FOXP1: variants seen among roughly 807,000 people sequenced by gnomAD.
FOXP1 encodes forkhead box P1.
In FOXP1, 15 loss-of-function variants were observed where a neutral mutation model predicts 98.2. The observed-to-expected ratio is 0.15, with a 90% CI of 0.10 to 0.24. The LOEUF is 0.24. Ranked by LOEUF, FOXP1 falls within the 10% of genes least tolerant of loss-of-function variation. The pLI, the probability that FOXP1 is intolerant of heterozygous loss-of-function variation, is 1.00. For synonymous variants in FOXP1, 371 were observed against 314.5 expected (o/e 1.18, Z -1.90); for missense variants, 633 against 848.5 (o/e 0.75, Z 3.15).
At chr3:71,415,224 T>G (rs1396305365) in intron 3 of FOXP1, among the ~76,000 whole-genome samples, 1 of 152,210 alleles carries the variant, frequency 6.6e-6, no homozygotes, top group Non-Finnish European at 1.5e-5. Context: ...GTTCTCAATT[T>G]AAAACCATCC....
At chr3:71,256,862 T>C (rs1277085576) in intron 5 of FOXP1, among the ~76,000 whole-genome samples, 3 of 152,132 alleles carry the variant, frequency 2.0e-5, no homozygotes, top group Non-Finnish European at 4.4e-5. Context: ...GGAGTACTGA[T>C]TTTAGCAGTG....
At chr3:71,331,971 T>A (rs1385476637) in intron 4 of FOXP1, among the ~76,000 whole-genome samples, 3 of 152,150 alleles carry the variant, frequency 2.0e-5, no homozygotes, top group Non-Finnish European at 4.4e-5. Context: ...ACCAATCAGC[T>A]CTCTGTAAAA....
chr3:71,550,823 A>G (rs1245559062), intron 2 of FOXP1, among the ~76,000 whole-genome samples: 5 of 152,186 alleles, frequency 3.3e-5, no homozygotes, highest in Admixed American at 2.6e-4. Flanking sequence ...TCCGCAGCAT[A>G]CAGCTGAGGT....
At chr3:71,421,685 A>C (rs1180541571) in intron 3 of FOXP1, among the ~76,000 whole-genome samples, 1 of 152,220 alleles carries the variant, frequency 6.6e-6, no homozygotes, top group African/African-American at 2.4e-5. Context: ...CGCTGGTCTC[A>C]GGACCTCCTG....
At chr3:70,973,908 G>T (rs114367696) in intron 17 of FOXP1, among the ~76,000 whole-genome samples, 6 of 135,238 alleles carry the variant, frequency 4.4e-5, no homozygotes, top group Non-Finnish European at 7.6e-5. Flanking sequence ...TATCCTTAAC[G>T]GTGGTGAATC....
rs923809339 is a variant in FOXP1, at chr3:70,955,717, AT to A, written c.*3529del. The A allele has an allele frequency of 7.8e-4, 180 of 231,740 alleles. No homozygotes were observed. Among genetic ancestry groups the A allele is most frequent in the East Asian group, 3.3e-3 (54 of 16,446 alleles). The allele number at this position is 231,740 out of a possible 1,614,324, so 14.4% of individuals were successfully genotyped here. On this transcript the variant is annotated 3_prime_UTR_variant, in exon 21 of 21. Transcript: ENST00000649528. Reference sequence around the variant, plus strand: ...CAGGAGAAAACATTTTTTAAACAACATTTTTTTTTCTTTTCAAATGTATGAA... The same window carrying A: ...CAGGAGAAAACATTTTTTAAACAACATTTTTTTTCTTTTCAAATGTATGAA...
At chr3:71,441,427 C>T (rs919396893) in intron 3 of FOXP1, among the ~76,000 whole-genome samples, 18 of 152,234 alleles carry the variant, frequency 1.2e-4, no homozygotes, top group Non-Finnish European at 2.1e-4. Flanking sequence ...GTTAGCAGCT[C>T]TGCTCCAGAT....
chr3:70,990,366 T>C (rs971765737), intron 13 of FOXP1, among the ~76,000 whole-genome samples: 17 of 152,218 alleles, frequency 1.1e-4, no homozygotes, highest in African/African-American at 3.9e-4. Context: ...AACCACATCC[T>C]GTCTACAATG....
intron 3 of FOXP1, among the ~76,000 whole-genome samples, chr3:71,365,039 C>G (rs1355057101): frequency 1.3e-5 from 2 of 152,226 alleles, no homozygotes; most frequent in African/African-American, 4.8e-5. Context: ...AAAGTAATCA[C>G]ATGTAAACAA....
At chr3:71,052,456 A>C in intron 9 of FOXP1, 81 bp downstream of exon 9, 1 of 837,394 alleles carries the variant, frequency 1.2e-6, no homozygotes, top group Admixed American at 1.7e-5. Context: ...GCAATCATTT[A>C]AAAGATGAAT....
intron 6 of FOXP1, among the ~76,000 whole-genome samples, chr3:71,150,042 T>C (rs1485710006): frequency 1.3e-5 from 2 of 152,230 alleles, no homozygotes; most frequent in African/African-American, 4.8e-5. Context: ...TTTGGAAGTG[T>C]TTGGTTGGCA....
chr3:71,454,397 A>G (rs2087246762), intron 3 of FOXP1, among the ~76,000 whole-genome samples: 1 of 152,202 alleles, frequency 6.6e-6, no homozygotes, highest in African/African-American at 2.4e-5. Flanking sequence ...AGCAGGAGCT[A>G]AGGCACAGAG....
intron 4 of FOXP1, among the ~76,000 whole-genome samples, chr3:71,352,987 T>C (rs1436370680): frequency 6.6e-6 from 1 of 152,118 alleles, no homozygotes; most frequent in African/African-American, 2.4e-5. Context: ...TGGGAGACTA[T>C]TTTGTGTCAC....
At chr3:71,174,614 T>C (rs1272106421) in intron 6 of FOXP1, among the ~76,000 whole-genome samples, 1 of 152,100 alleles carries the variant, frequency 6.6e-6, no homozygotes, top group Non-Finnish European at 1.5e-5. Context: ...TCTGAATACA[T>C]CAGGGGTATC....
In FOXP1 at chr3:71,035,543, G is replaced by T. The variant is rs1279518387; in HGVS notation, c.869+5785C>A. Among the ~76,000 whole-genome samples, 2 of 152,274 alleles carry T rather than the reference G, an allele frequency of 1.3e-5. 1 individual carries two copies. The highest frequency in any genetic ancestry group is 4.2e-4 in the South Asian group (2 of 4,818). ...ATTTACAAAAGGAAGCAGTGGGCTG[G>T]ATTTGGCAGGCTGACCATAATTTGC... On this transcript the variant is annotated intron_variant, in intron 11 of 20. Coordinates refer to ENST00000649528, the MANE Select transcript of FOXP1 (RefSeq NM_001349338.3).
At chr3:71,389,858 C>G (rs1449643014) in intron 3 of FOXP1, among the ~76,000 whole-genome samples, 2 of 147,960 alleles carry the variant, frequency 1.4e-5, no homozygotes, top group Non-Finnish European at 3.0e-5. Flanking sequence ...GGCATTCTGT[C>G]TTTAAAAAAA....
At chr3:71,560,387 G>C (rs17008749) in intron 2 of FOXP1, among the ~76,000 whole-genome samples, 25,255 of 152,028 alleles carry the variant, frequency 0.17, 2,384 homozygotes, top group Non-Finnish European at 0.22. Flanking sequence ...ACCAAGCTCA[G>C]TTTCCTAATT....
intron 6 of FOXP1, among the ~76,000 whole-genome samples, chr3:71,177,840 CTTT>C (rs397704711): frequency 1.8e-4 from 21 of 114,926 alleles, no homozygotes; most frequent in African/African-American, 7.0e-4. Flanking sequence ...TTCTTTCTTT[CTTT>C]TTTTTTTTTT....
chr3:71,036,014 T>A (rs1249691413), intron 11 of FOXP1, among the ~76,000 whole-genome samples: 3 of 152,178 alleles, frequency 2.0e-5, no homozygotes, highest in African/African-American at 7.2e-5. Context: ...GACATGTACA[T>A]GTTTCAAAGT....
Sources: gnomAD v4.1 joint callset for allele counts (sites outside exome capture counted in the v4.1 genomes callset) on GRCh38, gnomAD v4.1.1 for gene constraint, MANE v1.5 for transcripts, NCBI Gene and HGNC (gene_info 2026-07-23, HGNC 2026-07-21) for gene names.